Variants in PURA observed in about 807,000 individuals in gnomAD.
PURA encodes the protein purine rich element binding protein A.
A neutral mutation model predicts 23.1 loss-of-function variants in PURA; 2 were observed. The ratio of observed to expected loss-of-function variants is 0.09; its 90% CI spans 0.04 to 0.27. The LOEUF is 0.27. PURA is among the 10% of genes least tolerant of loss of function. The pLI is 1.00. For missense variants in PURA, 187 were observed against 449.7 expected, an observed-to-expected ratio of 0.42 and a Z score of 5.28; for synonymous variants, 254 against 205.9, an observed-to-expected ratio of 1.23 and a Z score of -2.00.
At position 140,121,284 on chromosome 5, in the gene PURA, A is replaced by G. The variant is rs1159931216; in HGVS notation, c.*6134A>G. On this transcript the variant is annotated 3_prime_UTR_variant, in exon 1 of 1. Coordinates refer to ENST00000331327, the MANE Select transcript of PURA (RefSeq NM_005859.5). ...TAGATTATTAACACAGAAGGATCCT[A>G]GGAGGATTTAAGAAAATATGTCCTT... The G allele has an allele frequency of 6.0e-6, 1 of 166,926 alleles. No individual in the cohort carries two copies. Among genetic ancestry groups the G allele is most frequent in the African/African-American group, 2.4e-5 (1 of 41,442 alleles). The allele number at this position is 166,926 out of a possible 1,614,324, so 10.3% of individuals were successfully genotyped here. A position where few individuals can be genotyped will look rare whatever the true frequency, so the allele number is the denominator to read the frequency against.
rs544263218 is a variant in PURA, at chr5:140,114,114, C to T, written c.-68C>T. Reference sequence around the variant, plus strand: ...CGGAGCCGGGGAGGGAAAGCAGCGGCGGCTGAGGCGACTGAGGCGGCGGGC... The same window carrying T: ...CGGAGCCGGGGAGGGAAAGCAGCGGTGGCTGAGGCGACTGAGGCGGCGGGC... On this transcript the variant is annotated 5_prime_UTR_variant, in exon 1 of 1. Coordinates refer to ENST00000331327, the MANE Select transcript of PURA (RefSeq NM_005859.5). 9.2e-6 allele frequency: 3 copies of T among 327,584 alleles called. No homozygotes were observed. Among genetic ancestry groups the T allele is most frequent in the Non-Finnish European group, 1.5e-5 (3 of 194,426 alleles). 20.3% of individuals were successfully genotyped at this position (327,584 alleles called of 1,614,324 possible).
Position 140,119,433 on chromosome 5 carries a change from T to C in PURA, c.*4283T>C, listed in dbSNP as rs1763125326. On this transcript the variant is annotated 3_prime_UTR_variant, in exon 1 of 1. Transcript: ENST00000331327. ...GGATCTATATCAGTTGTACTCACTG[T>C]TTTCATTTCTTATTAATATAGGGAT... 1 of 166,848 alleles carries C rather than the reference T, an allele frequency of 6.0e-6. No homozygotes were observed. The highest frequency in any genetic ancestry group is 6.6e-5 in the Admixed American group (1 of 15,254). 10.3% of individuals were successfully genotyped at this position (166,848 alleles called of 1,614,324 possible).
rs538453906 is a variant in PURA, at chr5:140,117,162, T to C, written c.*2012T>C. On this transcript the variant is annotated 3_prime_UTR_variant, in exon 1 of 1. Transcript: ENST00000331327. Reference sequence around the variant, plus strand: ...ATTTTCCCATTAAATTGTTTGCTTTTAATATTCAATGTTAAATATGAGGTG... The same window carrying C: ...ATTTTCCCATTAAATTGTTTGCTTTCAATATTCAATGTTAAATATGAGGTG... The C allele has an allele frequency of 2.4e-5, 4 of 167,202 alleles. No individual in the cohort carries two copies. Among genetic ancestry groups the C allele is most frequent in the African/African-American group, 9.6e-5 (4 of 41,588 alleles). 10.4% of individuals were successfully genotyped at this position (167,202 alleles called of 1,614,324 possible).
rs1763151744 is a variant in PURA, at chr5:140,121,376, A to G, written c.*6226A>G. ...CTATTCATCTTGACTAGCTCAAACA[A>G]TGATAGCCATCAGCTAATGACTTAT... On this transcript the variant is annotated 3_prime_UTR_variant, in exon 1 of 1. Coordinates refer to ENST00000331327, the MANE Select transcript of PURA (RefSeq NM_005859.5). 1 of 166,922 alleles carries G rather than the reference A, an allele frequency of 6.0e-6. No individual in the cohort carries two copies. Among genetic ancestry groups the G allele is most frequent in the African/African-American group, 2.4e-5 (1 of 41,438 alleles). The allele number at this position is 166,922 out of a possible 1,614,324, so 10.3% of individuals were successfully genotyped here.
Position 140,124,957 on chromosome 5 carries a change from G to A in PURA, c.*9807G>A, listed in dbSNP as rs1020964257. The A allele has an allele frequency of 6.0e-6, 1 of 167,010 alleles. No homozygotes were observed. Among genetic ancestry groups the A allele is most frequent in the African/African-American group, 2.4e-5 (1 of 41,422 alleles). The allele number at this position is 167,010 out of a possible 1,614,324, so 10.3% of individuals were successfully genotyped here. On this transcript the variant is annotated 3_prime_UTR_variant, in exon 1 of 1. Transcript: ENST00000331327. ...CACTTATTTTCCCAATGTGAATAAA[G>A]GGAAAAGATCAGCAATTTGTCCCTG... is the stretch of plus-strand genomic sequence containing the variant.
rs549190558 is a variant in PURA at position 140,114,595 on chromosome 5, G to A, written c.414G>A (p.Glu138=). 2.5e-6 allele frequency: 4 copies of A among 1,604,868 alleles called. No homozygotes were observed. The highest frequency in any genetic ancestry group is 4.5e-5 in the East Asian group (2 of 44,664). ...CGGACCTGGCCCAGGCGCAGGACGA[G>A]CCGCGCCGGGCGCTCAAAAGCGAGT... ...QPPDLAQAQD[E]PRRALKSEFL... Residue 138 remains glutamate, a synonymous_variant, in exon 1 of 1, where the codon GAG becomes GAA. Coordinates refer to ENST00000331327, the MANE Select transcript of PURA (RefSeq NM_005859.5).
At position 140,115,169 on chromosome 5, in the gene PURA, CCA is replaced by C. The variant is rs574050232; in HGVS notation, c.*32_*33del. The C allele has an allele frequency of 6.9e-4, 942 of 1,369,460 alleles. 1 individual carries two copies. The highest frequency in any genetic ancestry group is 1.4e-3 in the Middle Eastern group (7 of 5,134). 84.8% of individuals were successfully genotyped at this position (1,369,460 alleles called of 1,614,324 possible). A position where few individuals can be genotyped will look rare whatever the true frequency, so the allele number is the denominator to read the frequency against. On this transcript the variant is annotated 3_prime_UTR_variant, in exon 1 of 1. Transcript: ENST00000331327. This position sits in a 1 kb window ranked among gnomAD's most constrained non-coding sequence, Gnocchi z 4.1. ...AGATTGATCAAACTGAATGAAACCC[CCA>C]CACACACACACATGCATACACACAC...
In PURA at chr5:140,114,146, G is replaced by A; in HGVS notation, c.-36G>A. 3.9e-6 allele frequency: 2 copies of A among 519,046 alleles called. No homozygotes were observed. The highest frequency in any genetic ancestry group is 2.8e-6 in the Non-Finnish European group (1 of 354,296). 32.2% of individuals were successfully genotyped at this position (519,046 alleles called of 1,614,324 possible). On this transcript the variant is annotated 5_prime_UTR_variant, in exon 1 of 1. Coordinates refer to ENST00000331327, the MANE Select transcript of PURA (RefSeq NM_005859.5). ...GGCGACTGAGGCGGCGGGCGGAGCG[G>A]CAGGCGGCGGCGGCGCGGCAGCGGA...
rs761829381 is a variant in PURA at position 140,115,009 on chromosome 5, G to A, written c.828G>A (p.Glu276=). 1 of 1,614,212 alleles carries A rather than the reference G, an allele frequency of 6.2e-7. No homozygotes were observed. The highest frequency in any genetic ancestry group is 1.3e-5 in the African/African-American group (1 of 75,056). The change falls in exon 1 of 1, where the codon GAG becomes GAA. Residue 276 remains glutamate (E), a synonymous_variant. Transcript: ENST00000331327. The surrounding 1 kb of genome is among the most constrained non-coding windows in gnomAD (Gnocchi z 4.1). The part of the protein sequence containing the change: ...KFGHTFCKYS[E]EMKKIQEKQR... ...GACACACCTTCTGCAAGTACTCGGA[G>A]GAGATGAAGAAGATTCAAGAGAAGC...
rs1763182409 is a variant in PURA at position 140,124,313 on chromosome 5, C to A, written c.*9163C>A. 1.2e-5 allele frequency: 2 copies of A among 167,004 alleles called. No homozygotes were observed. The highest frequency in any genetic ancestry group is 2.9e-5 in the Non-Finnish European group (2 of 68,064). The allele number at this position is 167,004 out of a possible 1,614,324, so 10.3% of individuals were successfully genotyped here. A position where few individuals can be genotyped will look rare whatever the true frequency, so the allele number is the denominator to read the frequency against. ...TAAAACCAAGTGAGAGGCCTCTTTT[C>A]AGATCTGGTTTATTTTTGGAATGCC... On this transcript the variant is annotated 3_prime_UTR_variant, in exon 1 of 1. Transcript: ENST00000331327.
rs1561794668 is a variant in PURA, at chr5:140,119,705, T to G, written c.*4555T>G. 1.8e-5 allele frequency: 3 copies of G among 166,900 alleles called. No individual in the cohort carries two copies. The South Asian group carries it at 6.2e-4, about 35-fold the overall frequency. The allele number at this position is 166,900 out of a possible 1,614,324, so 10.3% of individuals were successfully genotyped here. A position where few individuals can be genotyped will look rare whatever the true frequency, so the allele number is the denominator to read the frequency against. Reference sequence around the variant, plus strand: ...TTTTTGTTTGTGTGCTTTTAACATTTTGTGTTTTGGCCCTGTTCAAACTTT... The same window carrying G: ...TTTTTGTTTGTGTGCTTTTAACATTGTGTGTTTTGGCCCTGTTCAAACTTT... On this transcript the variant is annotated 3_prime_UTR_variant, in exon 1 of 1. Transcript: ENST00000331327.
At position 140,120,632 on chromosome 5, in the gene PURA, TGA is replaced by T. The variant is rs1226817496; in HGVS notation, c.*5483_*5484del. The T allele has an allele frequency of 6.1e-6, 1 of 164,746 alleles. No homozygotes were observed. The highest frequency in any genetic ancestry group is 1.5e-5 in the Non-Finnish European group (1 of 67,916). 10.2% of individuals were successfully genotyped at this position (164,746 alleles called of 1,614,324 possible). A position where few individuals can be genotyped will look rare whatever the true frequency, so the allele number is the denominator to read the frequency against. On this transcript the variant is annotated 3_prime_UTR_variant, in exon 1 of 1. Coordinates refer to ENST00000331327, the MANE Select transcript of PURA (RefSeq NM_005859.5). The stretch of plus-strand genomic sequence containing the variant: ...AACAGAAATTTCATTACAGGCTAAG[TGA>T]AAATAAGCCAGAATTAGCATGAGTC...
Position 140,115,067 on chromosome 5 carries a change from C to T in PURA, c.886C>T (p.His296Tyr). ...REKRAACEQL[H>Y]QQQQQQQEET... is the part of the protein sequence containing the mutation. ...GAAGCGGGCTGCCTGTGAGCAGCTT[C>T]ACCAGCAGCAACAGCAGCAGCAGGA... is the stretch of plus-strand genomic sequence containing the variant. The change falls in exon 1 of 1, where the codon CAC becomes TAC. Residue 296 changes from histidine (H) to tyrosine (Y), a missense_variant. This residue lies in a region of PURA where 65 missense variants were observed against 158.6 expected (regional missense o/e 0.41). Coordinates refer to ENST00000331327, the MANE Select transcript of PURA (RefSeq NM_005859.5). This position sits in a 1 kb window ranked among gnomAD's most constrained non-coding sequence, Gnocchi z 4.1. 1.2e-6 allele frequency: 2 copies of T among 1,613,728 alleles called. No individual in the cohort carries two copies. The highest frequency in any genetic ancestry group is 1.1e-5 in the South Asian group (1 of 91,066).
At position 140,114,716 on chromosome 5, in the gene PURA, G is replaced by A; in HGVS notation, c.535G>A (p.Gly179Ser). Reference protein sequence around the residue: ...RIRQTVNRGPGLGSTQGQTIA... With the variant: ...RIRQTVNRGPSLGSTQGQTIA... Reference sequence around the variant, plus strand: ...CCGCCAGACGGTCAACCGGGGGCCTGGCCTGGGCTCCACGCAGGGCCAGAC... The same window carrying A: ...CCGCCAGACGGTCAACCGGGGGCCTAGCCTGGGCTCCACGCAGGGCCAGAC... The change falls in exon 1 of 1, where the codon GGC becomes AGC. Residue 179 changes from glycine (G) to serine (S), a missense_variant. Physicochemically the swap from Gly to Ser is moderately conservative, Grantham distance 56. This residue lies in a region of PURA where 11 missense variants were observed against 26.4 expected (regional missense o/e 0.42). Coordinates refer to ENST00000331327, the MANE Select transcript of PURA (RefSeq NM_005859.5). 6.2e-7 allele frequency: 1 copy of A among 1,613,000 alleles called. No individual in the cohort carries two copies. Among genetic ancestry groups the A allele is most frequent in the Non-Finnish European group, 8.5e-7 (1 of 1,179,740 alleles).
Position 140,118,761 on chromosome 5 carries a change from C to G in PURA, c.*3611C>G, listed in dbSNP as rs1763118729. On this transcript the variant is annotated 3_prime_UTR_variant, in exon 1 of 1. Coordinates refer to ENST00000331327, the MANE Select transcript of PURA (RefSeq NM_005859.5). ...TAAAAAACCTTGAAAGTCTCACTTT[C>G]TAGTTGTCCCATGCAGGGGTTGAAA... The G allele has an allele frequency of 6.0e-6, 1 of 166,952 alleles. No individual in the cohort carries two copies. Among genetic ancestry groups the G allele is most frequent in the Non-Finnish European group, 1.5e-5 (1 of 68,038 alleles). The allele number at this position is 166,952 out of a possible 1,614,324, so 10.3% of individuals were successfully genotyped here.
Position 140,125,292 on chromosome 5 carries a change from A to C in PURA, c.*10142A>C, listed in dbSNP as rs1225503805. 1 of 167,036 alleles carries C rather than the reference A, an allele frequency of 6.0e-6. No homozygotes were observed. The highest frequency in any genetic ancestry group is 6.5e-5 in the Admixed American group (1 of 15,292). 10.3% of individuals were successfully genotyped at this position (167,036 alleles called of 1,614,324 possible). On this transcript the variant is annotated 3_prime_UTR_variant, in exon 1 of 1. Transcript: ENST00000331327. ...ATTAGGAACCAACTATTGGCTTAAA[A>C]CCTTTCATATTGGAATTATTGTTAG...
In PURA at chr5:140,115,028, G is replaced by C. The variant is rs750482815; in HGVS notation, c.847G>C (p.Glu283Gln). ...KYSEEMKKIQ[E>Q]KQREKRAACE... is the part of the protein sequence containing the mutation. The stretch of plus-strand genomic sequence containing the variant: ...CTCGGAGGAGATGAAGAAGATTCAA[G>C]AGAAGCAGAGGGAGAAGCGGGCTGC... The change falls in exon 1 of 1, where the codon GAG becomes CAG. Residue 283 changes from glutamate (E) to glutamine (Q), a missense_variant. Glu to Gln is a conservative substitution (Grantham distance 29). Around this residue, in one of 9 missense-constraint regions of PURA, gnomAD observed 65 missense variants for 158.6 expected, o/e 0.41. Transcript: ENST00000331327. The surrounding 1 kb of genome is among the most constrained non-coding windows in gnomAD (Gnocchi z 4.1). 1 of 1,614,166 alleles carries C rather than the reference G, an allele frequency of 6.2e-7. No homozygotes were observed. The highest frequency in any genetic ancestry group is 8.5e-7 in the Non-Finnish European group (1 of 1,180,026).
Position 140,115,182 on chromosome 5 carries a change from C to G in PURA, c.*32C>G. On this transcript the variant is annotated 3_prime_UTR_variant, in exon 1 of 1. Coordinates refer to ENST00000331327, the MANE Select transcript of PURA (RefSeq NM_005859.5). This position sits in a 1 kb window ranked among gnomAD's most constrained non-coding sequence, Gnocchi z 4.1. ...TGAATGAAACCCCCACACACACACACATGCATACACACACACACACAGCCA... is the reference window on the plus strand; with the variant it reads ...TGAATGAAACCCCCACACACACACAGATGCATACACACACACACACAGCCA... 1 of 1,174,872 alleles carries G rather than the reference C, an allele frequency of 8.5e-7. No homozygotes were observed. The highest frequency in any genetic ancestry group is 1.5e-5 in the South Asian group (1 of 64,756). 72.8% of individuals were successfully genotyped at this position (1,174,872 alleles called of 1,614,324 possible). A position where few individuals can be genotyped will look rare whatever the true frequency, so the allele number is the denominator to read the frequency against.
Position 140,115,261 on chromosome 5 carries a change from TAAAAA to T in PURA, c.*122_*126del. Reference sequence around the variant, plus strand: ...GAGAGAAAATAAAAAGTTAAAAAGTTAAAAAAAAAAAAAAACCTGTTAACTCCAAG... The same window carrying T: ...GAGAGAAAATAAAAAGTTAAAAAGTTAAAAAAAAAACCTGTTAACTCCAAG... On this transcript the variant is annotated 3_prime_UTR_variant, in exon 1 of 1. Transcript: ENST00000331327. The surrounding 1 kb of genome is among the most constrained non-coding windows in gnomAD (Gnocchi z 4.1). 3 of 526,940 alleles carry T rather than the reference TAAAAA, an allele frequency of 5.7e-6. No individual in the cohort carries two copies. Among genetic ancestry groups the T allele is most frequent in the Non-Finnish European group, 8.8e-6 (3 of 342,346 alleles). The allele number at this position is 526,940 out of a possible 1,614,324, so 32.6% of individuals were successfully genotyped here. A position where few individuals can be genotyped will look rare whatever the true frequency, so the allele number is the denominator to read the frequency against.
Sources: allele counts gnomAD v4.1 joint callset, GRCh38; gene constraint gnomAD v4.1.1; regional missense constraint gnomAD v4.1.1; non-coding constraint Gnocchi (gnomAD v3.1); transcripts MANE v1.5; gene names NCBI Gene and HGNC (gene_info 2026-07-23, HGNC 2026-07-21).